Variants in GALNT13 observed in about 807,000 individuals in gnomAD.
GALNT13 encodes polypeptide N-acetylgalactosaminyltransferase 13, also known as UDP-GalNAc:polypeptide N-acetylgalactosaminyltransferase 13.
Under a neutral mutation model 64.2 loss-of-function variants are expected in GALNT13, and 28 were observed. The ratio of observed to expected loss-of-function variants is 0.44; its 90% CI spans 0.32 to 0.60. The LOEUF is 0.60. Ranked by LOEUF, GALNT13 falls within the 20% of genes least tolerant of loss-of-function variation. The probability of loss-of-function intolerance (pLI) is 0.05; values close to 1 mark genes in which losing one functional copy is unlikely to be tolerated. For synonymous variants in GALNT13, 214 were observed against 224.6 expected, an observed-to-expected ratio of 0.95 and a Z score of 0.42; for missense variants, 577 against 669.8, an observed-to-expected ratio of 0.86 and a Z score of 1.53.
chr2:153,161,725 G>A, the GALNT13 span, among the ~76,000 whole-genome samples: 1 of 151,776 alleles, frequency 6.6e-6, no homozygotes, highest in Non-Finnish European at 1.5e-5. Context: ...GAAGGAAGGA[G>A]GTTAGAGAAG....
intron 1 of GALNT13, among the ~76,000 whole-genome samples, chr2:153,874,547 G>T (rs960357695): frequency 2.0e-5 from 3 of 152,010 alleles, no homozygotes; most frequent in African/African-American, 7.2e-5. Flanking sequence ...GAGAATGGAG[G>T]CTGTCTCAGA....
At chr2:153,434,745 G>C in the GALNT13 span, among the ~76,000 whole-genome samples, 2,504 of 152,204 alleles carry the variant, frequency 0.016, 63 homozygotes, top group African/African-American at 0.057. Context: ...TGTCAGATAA[G>C]TAGGTTGCAA....
At chr2:153,224,250 A>G in the GALNT13 span, among the ~76,000 whole-genome samples, 4 of 152,002 alleles carry the variant, frequency 2.6e-5, no homozygotes. Flanking sequence ...ACTTTTAAGT[A>G]GGAGCTAAAC....
intron 4 of GALNT13, among the ~76,000 whole-genome samples, chr2:154,225,785 G>A (rs888306235): frequency 1.3e-5 from 2 of 152,072 alleles, no homozygotes; most frequent in African/African-American, 4.8e-5. Context: ...ATGAACAGCT[G>A]TGTAGAATAT....
chr2:154,259,198 C>G, intron 8 of GALNT13, 60 bp downstream of exon 8: 1 of 875,548 alleles, frequency 1.1e-6, no homozygotes. Context: ...CATGCACATA[C>G]CAGTCCCAGT....
At chr2:153,982,906 A>T (rs556086636) in intron 3 of GALNT13, among the ~76,000 whole-genome samples, 55 of 152,114 alleles carry the variant, frequency 3.6e-4, no homozygotes, top group African/African-American at 1.3e-3. Context: ...AGGATATTTA[A>T]GTTACCGGGT....
the GALNT13 span, among the ~76,000 whole-genome samples, chr2:153,279,250 G>A: frequency 6.6e-6 from 1 of 152,110 alleles, no homozygotes; most frequent in African/African-American, 2.4e-5. Context: ...AGTTCCAGGA[G>A]CCTTTTAGAG....
intron 4 of GALNT13, among the ~76,000 whole-genome samples, chr2:154,196,448 A>AT (rs1337315573): frequency 6.6e-6 from 1 of 152,112 alleles, no homozygotes; most frequent in African/African-American, 2.4e-5. Flanking sequence ...GTTTTCTTTA[A>AT]TTTTTTATTA....
At chr2:153,135,022 A>T in the GALNT13 span, among the ~76,000 whole-genome samples, 4 of 152,122 alleles carry the variant, frequency 2.6e-5, no homozygotes, top group African/African-American at 7.2e-5. Flanking sequence ...GTAACAAAAT[A>T]CCATAGACTG....
At chr2:153,499,115 T>A in the GALNT13 span, among the ~76,000 whole-genome samples, 1 of 152,160 alleles carries the variant, frequency 6.6e-6, no homozygotes, top group South Asian at 2.1e-4. Flanking sequence ...CCTCCCAAAG[T>A]GCTGAGAATA....
chr2:153,416,806 C>T, the GALNT13 span, among the ~76,000 whole-genome samples: 42 of 152,250 alleles, frequency 2.8e-4, no homozygotes, highest in South Asian at 8.7e-3. Context: ...CCTCATGGAG[C>T]TTGCACTCTT....
the GALNT13 span, among the ~76,000 whole-genome samples, chr2:153,564,354 T>C: frequency 2.0e-5 from 3 of 152,276 alleles, no homozygotes; most frequent in South Asian, 4.1e-4. Context: ...ACTAAAATTA[T>C]AGTTATTTTG....
chr2:154,049,208 T>C (rs1261072756), intron 3 of GALNT13, among the ~76,000 whole-genome samples: 1 of 151,964 alleles, frequency 6.6e-6, no homozygotes, highest in African/African-American at 2.4e-5. Context: ...CACTGATCAA[T>C]GTGGAATAGG....
At chr2:153,106,623 T>C in the GALNT13 span, among the ~76,000 whole-genome samples, 3 of 152,170 alleles carry the variant, frequency 2.0e-5, no homozygotes, top group African/African-American at 7.2e-5. Context: ...AGATATTGTT[T>C]TCTAGCTGGT....
chr2:154,231,393 TAGA>T (rs547541158), intron 4 of GALNT13, among the ~76,000 whole-genome samples: 78 of 152,224 alleles, frequency 5.1e-4, no homozygotes, highest in African/African-American at 1.9e-3. Flanking sequence ...GCACTCACCT[TAGA>T]AGAACTCATG....
At chr2:153,612,350 A>T in the GALNT13 span, among the ~76,000 whole-genome samples, 1 of 152,144 alleles carries the variant, frequency 6.6e-6, no homozygotes, top group South Asian at 2.1e-4. Context: ...ATATAACCAA[A>T]GGATATGTTG....
chr2:154,306,190 T>A (rs1190015656), intron 9 of GALNT13, among the ~76,000 whole-genome samples: 1 of 152,106 alleles, frequency 6.6e-6, no homozygotes, highest in Non-Finnish European at 1.5e-5. Context: ...CTGGGATACA[T>A]GTGCAGAACA....
chr2:154,284,305 C>CTCTT (rs563738598), intron 8 of GALNT13, among the ~76,000 whole-genome samples: 137 of 152,222 alleles, frequency 9.0e-4, no homozygotes, highest in African/African-American at 3.0e-3. Context: ...AATCTACTTT[C>CTCTT]TCTTTCTATG....
chr2:153,177,622 A>G, the GALNT13 span, among the ~76,000 whole-genome samples: 2 of 152,136 alleles, frequency 1.3e-5, no homozygotes, highest in Non-Finnish European at 1.5e-5. Context: ...TTATAATTGT[A>G]TATGTCAAAG....
Sources: allele counts gnomAD v4.1 joint callset (sites outside exome capture counted in the v4.1 genomes callset), GRCh38; gene constraint gnomAD v4.1.1; transcripts MANE v1.5; gene names NCBI Gene and HGNC (gene_info 2026-07-23, HGNC 2026-07-21).